PCDH15: variants seen among roughly 807,000 people sequenced by gnomAD.
The protein encoded by PCDH15 is protocadherin-15.
PCDH15 carries 129 observed loss-of-function variants against 178.5 expected under a neutral mutation model. The observed-to-expected ratio is 0.72, with a 90% CI of 0.63 to 0.84. The LOEUF (loss-of-function observed/expected upper bound fraction) is 0.84, where lower values mean the gene tolerates loss of function less well. Among genes scored for constraint, PCDH15 ranks in the 40% least tolerant of loss-of-function variants. The pLI, the probability that PCDH15 is intolerant of heterozygous loss-of-function variation, is 0.00. For missense variants in PCDH15, 2,230 were observed against 2,099.9 expected, an observed-to-expected ratio of 1.06 and a Z score of -1.21; for synonymous variants, 800 against 732.0, an observed-to-expected ratio of 1.09 and a Z score of -1.50.
intron 26 of PCDH15, among the ~76,000 whole-genome samples, chr10:53,888,306 ATATG>A (rs2081265863): frequency 8.7e-5 from 3 of 34,336 alleles, no homozygotes; most frequent in African/African-American, 2.5e-4. Context: ...ATATATATAT[ATATG>A]TATATATGTA....
At chr10:55,329,218 A>G (rs1018617709) in intron 2 of PCDH15, among the ~76,000 whole-genome samples, 2 of 59,474 alleles carry the variant, frequency 3.4e-5, no homozygotes, top group African/African-American at 1.1e-4. Flanking sequence ...TGGGAATTCA[A>G]ATTATTTTAT....
chr10:55,496,794 A>T (rs1408669813), intron 2 of PCDH15, among the ~76,000 whole-genome samples: 1 of 151,910 alleles, frequency 6.6e-6, no homozygotes, highest in Non-Finnish European at 1.5e-5. Context: ...AATGTGAAAG[A>T]CGAATAATCT....
At chr10:55,522,269 T>A (rs1318228584) in intron 2 of PCDH15, among the ~76,000 whole-genome samples, 1 of 151,938 alleles carries the variant, frequency 6.6e-6, no homozygotes, top group African/African-American at 2.4e-5. Context: ...ACTATGGTTT[T>A]AATTCGCATT....
intron 2 of PCDH15, among the ~76,000 whole-genome samples, chr10:55,072,002 G>A (rs553649525): frequency 6.9e-4 from 105 of 151,822 alleles, no homozygotes; most frequent in African/African-American, 2.4e-3. Context: ...TGACTACTGG[G>A]TACCTAACGA....
intron 2 of PCDH15, among the ~76,000 whole-genome samples, chr10:55,146,117 T>C (rs1838504539): frequency 6.6e-6 from 1 of 152,020 alleles, no homozygotes; most frequent in South Asian, 2.1e-4. Context: ...CAAGCACTAC[T>C]AACCACTATA....
intron 2 of PCDH15, among the ~76,000 whole-genome samples, chr10:55,490,006 A>T (rs908258832): frequency 2.0e-4 from 31 of 151,868 alleles, no homozygotes; most frequent in African/African-American, 7.0e-4. Context: ...TGAAGTTTTA[A>T]CTGTTATAAA....
intron 3 of PCDH15, among the ~76,000 whole-genome samples, chr10:54,893,403 A>G (rs1240984236): frequency 6.6e-6 from 1 of 152,082 alleles, no homozygotes; most frequent in Non-Finnish European, 1.5e-5. Flanking sequence ...TAAATATTTT[A>G]ACTAAAATAA....
At chr10:55,471,792 G>A (rs1463879679) in intron 2 of PCDH15, among the ~76,000 whole-genome samples, 1 of 152,190 alleles carries the variant, frequency 6.6e-6, no homozygotes, top group Non-Finnish European at 1.5e-5. Flanking sequence ...TTGCAACTGT[G>A]AGATACAGTT....
chr10:55,231,866 C>A (rs1240301244), intron 1 of PCDH15, among the ~76,000 whole-genome samples: 2 of 151,568 alleles, frequency 1.3e-5, no homozygotes, highest in Non-Finnish European at 2.9e-5. Flanking sequence ...CTTACTTTTT[C>A]TTTTTTCTGT....
intron 4 of PCDH15, among the ~76,000 whole-genome samples, chr10:54,377,229 T>G (rs1390301935): frequency 6.6e-6 from 1 of 152,106 alleles, no homozygotes; most frequent in Non-Finnish European, 1.5e-5. Flanking sequence ...TAAAATTATC[T>G]TCATATATAT....
chr10:53,867,080 T>C (rs992876587), intron 26 of PCDH15, among the ~76,000 whole-genome samples: 2 of 152,128 alleles, frequency 1.3e-5, no homozygotes, highest in Non-Finnish European at 2.9e-5. Context: ...TGCTGAAGTA[T>C]GAATAAAAGG....
At chr10:55,088,418 G>A (rs1027337251) in intron 2 of PCDH15, among the ~76,000 whole-genome samples, 31 of 151,910 alleles carry the variant, frequency 2.0e-4, no homozygotes, top group East Asian at 1.4e-3. Context: ...ACAGTTGTGC[G>A]CCACCATGCC....
intron 2 of PCDH15, among the ~76,000 whole-genome samples, chr10:55,464,625 A>AATATATATAT (rs201924826): frequency 7.3e-4 from 46 of 62,974 alleles, no homozygotes; most frequent in Admixed American, 1.4e-3. Context: ...AATGGGAGTA[A>AATATATATAT]ATATATATAT....
intron 1 of PCDH15, among the ~76,000 whole-genome samples, chr10:54,779,415 T>C (rs1414839649): frequency 1.5e-5 from 2 of 129,860 alleles, no homozygotes; most frequent in Non-Finnish European, 3.2e-5. Context: ...TGTATATATA[T>C]ATATATACAC....
intron 21 of PCDH15, among the ~76,000 whole-genome samples, chr10:53,984,974 G>C (rs537363109): frequency 1.3e-5 from 2 of 152,290 alleles, no homozygotes; most frequent in Non-Finnish European, 2.9e-5. Context: ...GGTTAGGCAA[G>C]TTCTCTTAGG....
chr10:55,345,899 T>C (rs1417674065), intron 2 of PCDH15, among the ~76,000 whole-genome samples: 1 of 152,116 alleles, frequency 6.6e-6, no homozygotes, highest in East Asian at 1.9e-4. Context: ...TATAATGGTG[T>C]TTGCCCTGTT....
chr10:54,842,040 T>C (rs1953428034), intron 3 of PCDH15, among the ~76,000 whole-genome samples: 2 of 151,828 alleles, frequency 1.3e-5, no homozygotes, highest in Admixed American at 1.3e-4. Flanking sequence ...AATCACATCA[T>C]AGGAAATAAA....
intron 8 of PCDH15, among the ~76,000 whole-genome samples, chr10:54,277,890 A>T (rs201344322): frequency 9.8e-6 from 1 of 102,496 alleles, no homozygotes; most frequent in African/African-American, 3.1e-5. Context: ...TTATGGTTTG[A>T]AAAATGGAAA....
Position 55,371,026 on chromosome 10 carries a change from A to G in PCDH15, c.-155-204375T>C, listed in dbSNP as rs148464809. Among the ~76,000 whole-genome samples the G allele has an allele frequency of 1.7e-3, 258 of 152,262 alleles. 2 individuals carry two copies. Among genetic ancestry groups the G allele is most frequent in the African/African-American group, 6.1e-3 (254 of 41,562 alleles). On this transcript the variant is annotated intron_variant, in intron 2 of 5. Coordinates refer to the PCDH15 transcript ENST00000613346. ...GATTTACGAAAATGAAGACAAGGCC[A>G]ATCTTTTCATGAGTTTCTATTGTTT...
Sources: allele counts gnomAD v4.1 joint callset (sites outside exome capture counted in the v4.1 genomes callset), GRCh38; gene constraint gnomAD v4.1.1; transcripts MANE v1.5; gene names NCBI Gene and HGNC (gene_info 2026-07-23, HGNC 2026-07-21).